SAFB: variants seen among roughly 807,000 people sequenced by gnomAD.
The protein encoded by SAFB is scaffold attachment factor B1.
SAFB carries 15 observed loss-of-function variants against 101.6 expected under a neutral mutation model. The observed-to-expected ratio is 0.15, with a 90% CI of 0.10 to 0.23. The LOEUF (loss-of-function observed/expected upper bound fraction) is 0.23, where lower values mean the gene tolerates loss of function less well. Among genes scored for constraint, SAFB ranks in the 10% least tolerant of loss-of-function variants. The pLI is 1.00. For missense variants in SAFB, 930 were observed against 1,104.1 expected (o/e 0.84, Z 2.23); for synonymous variants, 449 against 407.5 (o/e 1.10, Z -1.23).
At chr19:5,657,455 CT>C in intron 14 of SAFB, 108 bp downstream of exon 14, 1 of 667,132 alleles carries the variant, frequency 1.5e-6, no homozygotes, top group Non-Finnish European at 2.6e-6. Flanking sequence ...AGCTGTGAAC[CT>C]TTTTGCTCCT....
intron 4 of SAFB, among the ~76,000 whole-genome samples, chr19:5,643,536 G>A (rs2053765392): frequency 6.6e-6 from 1 of 152,162 alleles, no homozygotes; most frequent in Admixed American, 6.5e-5. Context: ...CTAAAAAGGA[G>A]TAGCAGAAAC....
chr19:5,645,206 G>T, intron 4 of SAFB, 131 bp from the exon 5 acceptor site: 2 of 549,746 alleles, frequency 3.6e-6, no homozygotes, highest in Non-Finnish European at 6.5e-6. Context: ...ATAGTGTTTT[G>T]ATTTCTGCCC....
chr19:5,660,181 T>C, intron 14 of SAFB, among the ~76,000 whole-genome samples: 2 of 152,124 alleles, frequency 1.3e-5, no homozygotes, highest in Non-Finnish European at 2.9e-5. Context: ...ATCAAGTTTC[T>C]GATATAAAAC....
chr19:5,646,057 T>C (rs2053821126), intron 5 of SAFB, among the ~76,000 whole-genome samples: 4 of 152,178 alleles, frequency 2.6e-5, no homozygotes, highest in South Asian at 2.1e-4. Flanking sequence ...TCCTTTTTTT[T>C]TCCAGCCTAC....
intron 8 of SAFB, among the ~76,000 whole-genome samples, chr19:5,650,718 G>A (rs1202232392): frequency 6.6e-6 from 1 of 152,080 alleles, no homozygotes; most frequent in Non-Finnish European, 1.5e-5. Context: ...GCCCGCAATT[G>A]CTAACTTTCT....
At chr19:5,623,587 A>G (rs1254382990) in intron 1 of SAFB, among the ~76,000 whole-genome samples, 193 bp downstream of exon 1, 1 of 152,090 alleles carries the variant, frequency 6.6e-6, no homozygotes, top group Non-Finnish European at 1.5e-5. Flanking sequence ...TTCAAATCCT[A>G]ACGCCGCAAT....
chr19:5,625,972 A>G (rs2053349867), intron 1 of SAFB, among the ~76,000 whole-genome samples: 1 of 152,034 alleles, frequency 6.6e-6, no homozygotes, highest in Admixed American at 6.5e-5. Flanking sequence ...GTTAAAGAGT[A>G]TTTTGTGAGT....
chr19:5,642,749 GC>G (rs2145432756), intron 4 of SAFB, among the ~76,000 whole-genome samples: 1 of 134,156 alleles, frequency 7.5e-6, no homozygotes, highest in South Asian at 2.4e-4. Flanking sequence ...TGCAACCTCT[GC>G]CCCCTGGGTT....
rs2053804871 is a variant in SAFB at position 5,645,353 on chromosome 19, C to G, written c.563C>G (p.Thr188Ser). Residue 188 changes from threonine to serine, a missense_variant, in exon 5 of 21, where the codon ACT becomes AGT. Thr to Ser is a moderately conservative substitution (Grantham distance 58, BLOSUM62 1). Transcript: ENST00000588852. ...LQEHAIEDKE[T>S]INNLDTSSSD... is the part of the protein sequence containing the mutation. Reference sequence around the variant, plus strand: ...ATTTTACAGATAGAGGACAAAGAAACTATAAACAATTTAGATACTTCATCA... The same window carrying G: ...ATTTTACAGATAGAGGACAAAGAAAGTATAAACAATTTAGATACTTCATCA... The G allele has an allele frequency of 7.6e-7, 1 of 1,323,492 alleles. No individual in the cohort carries two copies. The highest frequency in any genetic ancestry group is 1.2e-5 in the South Asian group (1 of 84,550). The allele number at this position is 1,323,492 out of a possible 1,614,324, so 82.0% of individuals were successfully genotyped here. A position where few individuals can be genotyped will look rare whatever the true frequency, so the allele number is the denominator to read the frequency against.
intron 2 of SAFB, among the ~76,000 whole-genome samples, chr19:5,635,697 T>C (rs567037299): frequency 6.6e-6 from 1 of 152,100 alleles, no homozygotes; most frequent in East Asian, 1.9e-4. Context: ...AGCAGTGAGA[T>C]TGGACAGTCT....
Position 5,649,173 on chromosome 19 carries a change from C to G in SAFB, c.822C>G (p.Ala274=), listed in dbSNP as rs2053884044. Residue 274 remains alanine (A), a synonymous_variant, in exon 7 of 21, where the codon GCC becomes GCG. Transcript: ENST00000588852. ...CGGAAGAGGGTGATTTAGATTTGGC[C>G]AGCGAGTCAACAGCACACGCTCAGT... is the stretch of plus-strand genomic sequence containing the variant. ...AHPEEGDLDL[A]SESTAHAQSS... is the part of the protein sequence containing the mutation. The G allele has an allele frequency of 2.7e-6, 1 of 376,386 alleles. No individual in the cohort carries two copies. Among genetic ancestry groups the G allele is most frequent in the South Asian group, 2.3e-5 (1 of 43,372 alleles). The allele number at this position is 376,386 out of a possible 1,614,324, so 23.3% of individuals were successfully genotyped here. A position where few individuals can be genotyped will look rare whatever the true frequency, so the allele number is the denominator to read the frequency against.
At chr19:5,627,085 G>A (rs1188149787) in intron 2 of SAFB, among the ~76,000 whole-genome samples, 3 of 151,924 alleles carry the variant, frequency 2.0e-5, no homozygotes, top group African/African-American at 7.2e-5. Flanking sequence ...TTTAGGAGGG[G>A]GATCACTTGA....
intron 2 of SAFB, among the ~76,000 whole-genome samples, chr19:5,630,783 CTG>C (rs915937309): frequency 7.4e-4 from 112 of 151,306 alleles, no homozygotes; most frequent in African/African-American, 2.5e-3. Context: ...ATGTATAACT[CTG>C]TTATATATAG....
intron 2 of SAFB, among the ~76,000 whole-genome samples, chr19:5,630,186 G>A (rs1308115411): frequency 2.0e-5 from 3 of 152,148 alleles, no homozygotes; most frequent in Non-Finnish European, 4.4e-5. Flanking sequence ...GTATTTCATT[G>A]TATTTATCTG....
rs781707712 is a variant in SAFB at position 5,641,668 on chromosome 19, G to A, written c.339+10G>A. 2.5e-6 allele frequency: 4 copies of A among 1,613,796 alleles called. No homozygotes were observed. In the African/African-American group the frequency reaches 5.3e-5, roughly 22 times the overall value. On this transcript the variant is annotated intron_variant, in intron 3 of 20. Coordinates refer to ENST00000588852, the MANE Select transcript of SAFB (RefSeq NM_001201338.2). ...CTCTGGGGATGGACAGGTATGTGCAGCCTTGCGAGTGAGTAGCGTGGTGGA... is the reference window on the plus strand; with the variant it reads ...CTCTGGGGATGGACAGGTATGTGCAACCTTGCGAGTGAGTAGCGTGGTGGA...
intron 2 of SAFB, among the ~76,000 whole-genome samples, chr19:5,637,558 A>G (rs1402594629): frequency 6.6e-6 from 1 of 151,808 alleles, no homozygotes; most frequent in Admixed American, 6.6e-5. Context: ...CGGGAGACTG[A>G]GGTGGGAGGA....
chr19:5,635,187 G>T lies in SAFB; in HGVS notation c.275-6407G>T, dbSNP rs983374924. On this transcript the variant is annotated intron_variant, in intron 2 of 20. Coordinates refer to ENST00000588852, the MANE Select transcript of SAFB (RefSeq NM_001201338.2). Reference sequence around the variant, plus strand: ...TTCCTGTTCTCCTACATTGGCAAGGGTATTGGGGAAGGTGTAGGTGTTGGA... The same window carrying T: ...TTCCTGTTCTCCTACATTGGCAAGGTTATTGGGGAAGGTGTAGGTGTTGGA... Among the ~76,000 whole-genome samples the T allele has an allele frequency of 3.1e-4, 47 of 152,194 alleles. 1 individual carries two copies. Among genetic ancestry groups the T allele is most frequent in the Non-Finnish European group, 2.9e-5 (2 of 67,966 alleles).
chr19:5,623,531 C>T (rs1421049874), intron 1 of SAFB, 137 bp downstream of exon 1: 1 of 687,102 alleles, frequency 1.5e-6, no homozygotes, highest in Non-Finnish European at 2.3e-6. Flanking sequence ...CGTCCCCCGG[C>T]TCCTCCGAGG....
chr19:5,651,934 G>A (rs987961378), intron 9 of SAFB, among the ~76,000 whole-genome samples: 1 of 152,206 alleles, frequency 6.6e-6, no homozygotes, highest in African/African-American at 2.4e-5. Context: ...GGTGGCTCAC[G>A]CCTGTAATTC....
Sources: allele counts gnomAD v4.1 joint callset (sites outside exome capture counted in the v4.1 genomes callset), GRCh38; gene constraint gnomAD v4.1.1; transcripts MANE v1.5; gene names NCBI Gene and HGNC (gene_info 2026-07-23, HGNC 2026-07-21).